The following C6orf89 variants were observed in gnomAD, a reference collection of about 807,000 sequenced individuals.
C6orf89 encodes the protein bombesin receptor-activated protein C6orf89.
C6orf89 carries 29 observed loss-of-function variants against 40.7 expected under a neutral mutation model. The ratio of observed to expected loss-of-function variants is 0.71; its 90% CI spans 0.53 to 0.97. The LOEUF (loss-of-function observed/expected upper bound fraction) is 0.97. Ranked by LOEUF, C6orf89 falls within the 50% of genes least tolerant of loss-of-function variation. C6orf89 has a pLI of 0.00. For missense variants in C6orf89, 392 were observed against 429.1 expected (o/e 0.91, Z 0.76); for synonymous variants, 165 against 152.2 (o/e 1.08, Z -0.62).
At chr6:36,881,440 A>C (rs1185231447), upstream of C6orf89, among the ~76,000 whole-genome samples, 1 of 152,212 alleles carries the variant, frequency 6.6e-6, no homozygotes, top group African/African-American at 2.4e-5. Context: ...TGGGAGGCTG[A>C]GGTGGGTGGA....
At chr6:36,920,619 T>A (rs1486524892) in intron 8 of C6orf89, among the ~76,000 whole-genome samples, 1 of 152,232 alleles carries the variant, frequency 6.6e-6, no homozygotes, top group African/African-American at 2.4e-5. Context: ...TACATAACTT[T>A]TATTTCAATT....
At chr6:36,874,262 T>C (rs780597788) in intron 1 of C6orf89, among the ~76,000 whole-genome samples, 8 of 152,212 alleles carry the variant, frequency 5.3e-5, no homozygotes, top group Non-Finnish European at 1.0e-4. Context: ...GTGGGGAAAA[T>C]GTGCTTCTTC....
intron 4 of C6orf89, among the ~76,000 whole-genome samples, chr6:36,906,624 G>A (rs989451357): frequency 6.6e-6 from 1 of 152,130 alleles, no homozygotes; most frequent in Non-Finnish European, 1.5e-5. Flanking sequence ...ATTGCTTCCT[G>A]GAGGCAAGGC....
In C6orf89 at chr6:36,902,364, T is replaced by A; in HGVS notation, c.333T>A (p.Ile111=). 2 of 1,614,226 alleles carry A rather than the reference T, an allele frequency of 1.2e-6. No individual in the cohort carries two copies. Among genetic ancestry groups the A allele is most frequent in the Non-Finnish European group, 1.7e-6 (2 of 1,180,040 alleles). ...IHHIRLMSLP[I]AKKYMSENKG... ...ACATTAGGCTGATGTCCTTGCCCATTGCCAAGAAGTACATGTCAGAAAATA... is the reference window on the plus strand; with the variant it reads ...ACATTAGGCTGATGTCCTTGCCCATAGCCAAGAAGTACATGTCAGAAAATA... Residue 111 remains isoleucine (I), a synonymous_variant, in exon 4 of 9, where the codon ATT becomes ATA. Transcript: ENST00000480824.
Position 36,927,346 on chromosome 6 carries a change from A to T in C6orf89, c.*3905A>T, listed in dbSNP as rs974722451. ...CCTGGAATGAGTTTGCTTATTACCC[A>T]GTCACTTTCGTAGTGAATGTTCAAA... On this transcript the variant is annotated 3_prime_UTR_variant, in exon 9 of 9. Coordinates refer to ENST00000480824, the MANE Select transcript of C6orf89 (RefSeq NM_001286635.2). 1 of 152,222 alleles carries T rather than the reference A, an allele frequency of 6.6e-6. No homozygotes were observed. Among genetic ancestry groups the T allele is most frequent in the Non-Finnish European group, 1.5e-5 (1 of 68,036 alleles). 9.4% of individuals were successfully genotyped at this position (152,222 alleles called of 1,614,324 possible). A position where few individuals can be genotyped will look rare whatever the true frequency, so the allele number is the denominator to read the frequency against.
intron 1 of C6orf89, among the ~76,000 whole-genome samples, chr6:36,891,694 A>T (rs1761214940): frequency 6.6e-6 from 1 of 152,232 alleles, no homozygotes. Flanking sequence ...ACCATACTTC[A>T]TGGGTAGTGT....
chr6:36,872,528 A>G (rs1190467749), intron 1 of C6orf89, among the ~76,000 whole-genome samples: 1 of 152,144 alleles, frequency 6.6e-6, no homozygotes, highest in Non-Finnish European at 1.5e-5. Context: ...TACTACTAAA[A>G]GATAAGGAAG....
At chr6:36,890,009 T>C (rs1359659817) in intron 1 of C6orf89, among the ~76,000 whole-genome samples, 1 of 152,212 alleles carries the variant, frequency 6.6e-6, no homozygotes, top group Non-Finnish European at 1.5e-5. Context: ...CAAAAAGCTT[T>C]ACACATTTAA....
chr6:36,914,707 G>A lies in C6orf89; in HGVS notation c.695+14G>A. ...TCCTTATCCATGGTGAGTGTGAAAA[G>A]GGCCGGGCACAGTGGCTCATGCCTG... On this transcript the variant is annotated intron_variant, in intron 6 of 8. Coordinates refer to ENST00000480824, the MANE Select transcript of C6orf89 (RefSeq NM_001286635.2). 1 of 1,611,918 alleles carries A rather than the reference G, an allele frequency of 6.2e-7. No individual in the cohort carries two copies. The highest frequency in any genetic ancestry group is 8.5e-7 in the Non-Finnish European group (1 of 1,178,248).
At chr6:36,903,875 T>G (rs1761824860) in intron 4 of C6orf89, among the ~76,000 whole-genome samples, 1 of 151,822 alleles carries the variant, frequency 6.6e-6, no homozygotes, top group African/African-American at 2.4e-5. Context: ...AATCAACAGC[T>G]CAGATATTTC....
chr6:36,926,592 AAAGGGAAGGGAGGGGAGGGG>A lies in C6orf89; in HGVS notation c.*3153_*3172del, dbSNP rs1762686454. ...GAGAAAAGAAGAGGGGAGGGGAGGGAAAGGGAAGGGAGGGGAGGGGAGGAGAGGAGAGCAGATTGGGGGGG... is the reference window on the plus strand; with the variant it reads ...GAGAAAAGAAGAGGGGAGGGGAGGGAAGGAGAGGAGAGCAGATTGGGGGGG... On this transcript the variant is annotated 3_prime_UTR_variant, in exon 9 of 9. Transcript: ENST00000480824. 1.4e-5 allele frequency: 1 copy of A among 70,430 alleles called. No homozygotes were observed. The highest frequency in any genetic ancestry group is 4.7e-4 in the South Asian group (1 of 2,132). 4.4% of individuals were successfully genotyped at this position (70,430 alleles called of 1,614,324 possible).
chr6:36,880,031 C>T (rs1774762216), intron 2 of C6orf89, among the ~76,000 whole-genome samples: 1 of 152,184 alleles, frequency 6.6e-6, no homozygotes. Context: ...GGAAGTAAGT[C>T]ATTTCTGATT....
intron 8 of C6orf89, 149 bp downstream of exon 8, chr6:36,919,850 CT>C: frequency 2.4e-6 from 2 of 832,592 alleles, no homozygotes; most frequent in Non-Finnish European, 3.5e-6. Flanking sequence ...AATATTTATG[CT>C]TAGAAATGAA....
At chr6:36,908,301 C>A (rs1158155145) in intron 4 of C6orf89, among the ~76,000 whole-genome samples, 2 of 152,164 alleles carry the variant, frequency 1.3e-5, no homozygotes, top group Non-Finnish European at 2.9e-5. Context: ...CTGTCAGATA[C>A]CTCTCTGGGG....
intron 2 of C6orf89, among the ~76,000 whole-genome samples, chr6:36,895,193 A>G (rs947647795): frequency 5.9e-5 from 9 of 152,214 alleles, no homozygotes; most frequent in Admixed American, 5.9e-4. Context: ...TTTTGTGATT[A>G]CAAAATTGAT....
rs1226506795 is a variant in C6orf89 at position 36,892,291 on chromosome 6, T to C, written c.-119-2213T>C. Among the ~76,000 whole-genome samples, 4 of 152,020 alleles carry C rather than the reference T, an allele frequency of 2.6e-5. No individual in the cohort carries two copies. In the East Asian group the frequency reaches 8.0e-4, roughly 30 times the overall value. On this transcript the variant is annotated intron_variant, in intron 1 of 8. Coordinates refer to ENST00000480824, the MANE Select transcript of C6orf89 (RefSeq NM_001286635.2). Reference sequence around the variant, plus strand: ...CCTGTGCATTGCAGGATGTTTAGTCTTTACCCACCAGATGCTAATAGTACC... The same window carrying C: ...CCTGTGCATTGCAGGATGTTTAGTCCTTACCCACCAGATGCTAATAGTACC...
chr6:36,919,439 T>C, intron 7 of C6orf89, 139 bp from the exon 8 acceptor site: 2 of 1,037,012 alleles, frequency 1.9e-6, no homozygotes, highest in Non-Finnish European at 2.7e-6. Flanking sequence ...TGCAAATTTT[T>C]GTTATTGGTT....
chr6:36,907,036 T>A (rs1443328333), intron 4 of C6orf89, among the ~76,000 whole-genome samples: 2 of 152,198 alleles, frequency 1.3e-5, no homozygotes, highest in African/African-American at 4.8e-5. Context: ...CTGCCTGCCT[T>A]CCTGCCTTCC....
intron 1 of C6orf89, among the ~76,000 whole-genome samples, chr6:36,873,185 A>G (rs776795296): frequency 6.6e-6 from 1 of 152,222 alleles, no homozygotes; most frequent in Non-Finnish European, 1.5e-5. Context: ...TACGTATACA[A>G]TTCTGAAATG....
Sources: allele counts gnomAD v4.1 joint callset (sites outside exome capture counted in the v4.1 genomes callset), GRCh38; gene constraint gnomAD v4.1.1; transcripts MANE v1.5; gene names NCBI Gene and HGNC (gene_info 2026-07-23, HGNC 2026-07-21).